Variants in LIPA observed in about 807,000 individuals in gnomAD.
LIPA encodes lipase A, lysosomal acid type, also known as lysosomal acid lipase/cholesteryl ester hydrolase.
Under a neutral mutation model 40.6 loss-of-function variants are expected in LIPA, and 26 were observed. The ratio of observed to expected loss-of-function variants is 0.64; its 90% CI spans 0.47 to 0.89. The LOEUF (loss-of-function observed/expected upper bound fraction) is 0.89, where lower values mean the gene tolerates loss of function less well. LIPA is among the 40% of genes least tolerant of loss of function. The pLI is 0.00. For synonymous variants in LIPA, 188 were observed against 168.4 expected (o/e 1.12, Z -0.90); for missense variants, 455 against 479.6 (o/e 0.95, Z 0.48).
intron 8 of LIPA, among the ~76,000 whole-genome samples, chr10:89,219,507 G>A (rs1346278107): frequency 6.6e-6 from 1 of 152,208 alleles, no homozygotes; most frequent in Non-Finnish European, 1.5e-5. Context: ...AAAGAACAAG[G>A]TATGGAATTT....
At chr10:89,371,753 C>A (rs1056126936) in intron 2 of LIPA, among the ~76,000 whole-genome samples, 6 of 152,152 alleles carry the variant, frequency 3.9e-5, no homozygotes, top group African/African-American at 1.4e-4. Flanking sequence ...TTATTTTTAC[C>A]ATTGGAACCT....
chr10:89,230,918 T>C (rs1842833680), intron 3 of LIPA, among the ~76,000 whole-genome samples: 1 of 152,208 alleles, frequency 6.6e-6, no homozygotes, highest in South Asian at 2.1e-4. Context: ...GTATAGTGAC[T>C]GACACACGGG....
chr10:89,228,287 T>C lies in LIPA; in HGVS notation c.341A>G (p.Asp114Gly). ...LGFILADAGF[D>G]VWMGNSRGNT... ...TCCTCTGCTGTTGCCCATCCACACG[T>C]CAAAACCAGCATCAGCAAGAATGAA... Residue 114 changes from aspartate to glycine, a missense_variant, in exon 4 of 10, where the codon GAC (aspartate) becomes GGC (glycine). By Grantham distance (94) the Asp-to-Gly change is moderately conservative (BLOSUM62 -1). Coordinates refer to ENST00000336233, the MANE Select transcript of LIPA (RefSeq NM_000235.4). The C allele has an allele frequency of 6.2e-7, 1 of 1,614,160 alleles. No individual in the cohort carries two copies. The highest frequency in any genetic ancestry group is 2.2e-5 in the East Asian group (1 of 44,888).
chr10:89,275,550 G>C (rs756210114), intron 1 of LIPA, among the ~76,000 whole-genome samples: 1 of 152,158 alleles, frequency 6.6e-6, no homozygotes, highest in Non-Finnish European at 1.5e-5. Context: ...ATGAAATCAA[G>C]AGCCTTACAG....
At chr10:89,259,151 G>A (rs1163898992) in intron 1 of LIPA, among the ~76,000 whole-genome samples, 2 of 152,194 alleles carry the variant, frequency 1.3e-5, no homozygotes, top group Admixed American at 6.5e-5. Flanking sequence ...GAATGCCATT[G>A]TTCCCTTTAA....
At chr10:89,318,479 A>G (rs1340726200) in intron 1 of LIPA, among the ~76,000 whole-genome samples, 1 of 152,222 alleles carries the variant, frequency 6.6e-6, no homozygotes, top group Non-Finnish European at 1.5e-5. Flanking sequence ...CCATTACATA[A>G]TGGTAAAGGG....
intron 1 of LIPA, among the ~76,000 whole-genome samples, chr10:89,296,704 A>G (rs968185371): frequency 1.3e-5 from 2 of 152,176 alleles, no homozygotes; most frequent in African/African-American, 4.8e-5. Flanking sequence ...CCCAAGACTG[A>G]ATAACCTACC....
chr10:89,270,620 C>T (rs916300125), intron 1 of LIPA, among the ~76,000 whole-genome samples: 13 of 152,138 alleles, frequency 8.5e-5, no homozygotes, highest in Admixed American at 3.9e-4. Flanking sequence ...CAACATATAC[C>T]TCATTTGGGC....
chr10:89,400,543 A>G (rs1197008514), intron 2 of LIPA, among the ~76,000 whole-genome samples: 1 of 152,032 alleles, frequency 6.6e-6, no homozygotes, highest in Non-Finnish European at 1.5e-5. Context: ...ATTTTTGTAA[A>G]TGGGATTGTT....
chr10:89,275,199 C>T (rs192846567), intron 1 of LIPA, among the ~76,000 whole-genome samples: 2 of 152,302 alleles, frequency 1.3e-5, no homozygotes, highest in East Asian at 3.9e-4. Context: ...ATGCTTGGAA[C>T]GTTCAAGCAG....
upstream of LIPA, among the ~76,000 whole-genome samples, chr10:89,347,027 C>T (rs930450455): frequency 2.0e-5 from 3 of 152,204 alleles, no homozygotes; most frequent in Non-Finnish European, 4.4e-5. Flanking sequence ...AAATTGACAT[C>T]AGGGTCTCCA....
At chr10:89,282,521 T>G (rs2133498882) in intron 1 of LIPA, among the ~76,000 whole-genome samples, 1 of 151,908 alleles carries the variant, frequency 6.6e-6, no homozygotes, top group South Asian at 2.1e-4. Flanking sequence ...ATGCCTATAA[T>G]CCCAGCTACT....
intron 1 of LIPA, among the ~76,000 whole-genome samples, chr10:89,292,923 A>G (rs1443290053): frequency 6.7e-6 from 1 of 148,884 alleles, no homozygotes; most frequent in Non-Finnish European, 1.5e-5. Flanking sequence ...TGCTGAGATT[A>G]CAGACATGAG....
intron 1 of LIPA, among the ~76,000 whole-genome samples, chr10:89,414,050 T>C (rs984229892): frequency 6.6e-6 from 1 of 152,204 alleles, no homozygotes; most frequent in Non-Finnish European, 1.5e-5. Flanking sequence ...CAAAGCACCA[T>C]TGGCGAAGGT....
At chr10:89,241,493 A>G (rs1318323415) in intron 3 of LIPA, among the ~76,000 whole-genome samples, 1 of 152,250 alleles carries the variant, frequency 6.6e-6, no homozygotes, top group Non-Finnish European at 1.5e-5. Context: ...TTTAGAAGTG[A>G]AGGATTTTTC....
At chr10:89,224,947 G>A (rs1315653518) in intron 6 of LIPA, 145 bp downstream of exon 6, 1 of 1,064,690 alleles carries the variant, frequency 9.4e-7, no homozygotes, top group Non-Finnish European at 1.4e-6. Flanking sequence ...TGGAAGGAGG[G>A]GTAAACGGAA....
chr10:89,228,446 C>G (rs774870216), intron 3 of LIPA, 48 bp from the exon 4 acceptor site: 1 of 1,433,246 alleles, frequency 7.0e-7, no homozygotes, highest in Non-Finnish European at 9.9e-7. Flanking sequence ...AGCTTCAAAA[C>G]AAATATGATA....
intron 2 of LIPA, chr10:89,385,067 T>G (rs1844200703): frequency 4.8e-6 from 1 of 209,330 alleles, no homozygotes; most frequent in South Asian, 1.2e-4. Context: ...TGGAAAATGC[T>G]GCAACCCTGT....
At chr10:89,379,466 A>G (rs1367515470) in intron 2 of LIPA, among the ~76,000 whole-genome samples, 1 of 152,194 alleles carries the variant, frequency 6.6e-6, no homozygotes, top group Non-Finnish European at 1.5e-5. Flanking sequence ...TCCACAAAAT[A>G]TATATTTCTT....
Sources: gnomAD v4.1 joint callset for allele counts (sites outside exome capture counted in the v4.1 genomes callset) on GRCh38, gnomAD v4.1.1 for gene constraint, MANE v1.5 for transcripts, NCBI Gene and HGNC (gene_info 2026-07-23, HGNC 2026-07-21) for gene names.